The following COLEC12 variants were observed in gnomAD, a reference collection of about 807,000 sequenced individuals.
COLEC12 encodes the protein collectin-12.
COLEC12 carries 33 observed loss-of-function variants against 71.1 expected under a neutral mutation model. That is an observed-to-expected ratio of 0.46 (90% CI 0.35 to 0.62). The LOEUF is 0.62. Ranked by LOEUF, COLEC12 falls within the 20% of genes least tolerant of loss-of-function variation. COLEC12 has a pLI of 0.00. For synonymous variants in COLEC12, 350 were observed against 353.0 expected (o/e 0.99, Z 0.10); for missense variants, 765 against 916.1 (o/e 0.84, Z 2.13).
At chr18:454,417 C>T (rs998907026) in intron 2 of COLEC12, among the ~76,000 whole-genome samples, 1 of 152,224 alleles carries the variant, frequency 6.6e-6, no homozygotes, top group African/African-American at 2.4e-5. Context: ...CATGGTGGCT[C>T]ACACCTGTAA....
rs16942948 is a variant in COLEC12 at position 343,680 on chromosome 18, A to G, written c.1327+2615T>C. ...GGAGGGGCACACACTTTCGGTGACTATCCTTGGAGTTAATGGCATCAGGTT... is the reference window on the plus strand; with the variant it reads ...GGAGGGGCACACACTTTCGGTGACTGTCCTTGGAGTTAATGGCATCAGGTT... On this transcript the variant is annotated intron_variant, in intron 5 of 9. Transcript: ENST00000400256. 7.9e-5 allele frequency among the ~76,000 whole-genome samples: 12 copies of G among 152,264 alleles called. No homozygotes were observed. In the East Asian group the frequency reaches 2.3e-3, roughly 29 times the overall value.
intron 2 of COLEC12, among the ~76,000 whole-genome samples, chr18:358,928 T>C (rs1914684860): frequency 6.6e-6 from 1 of 152,218 alleles, no homozygotes. Context: ...ATCTATGCAG[T>C]CCATTGTTGA....
chr18:430,932 TGCATTTAAG>T (rs1268619611), intron 2 of COLEC12, among the ~76,000 whole-genome samples: 5 of 152,226 alleles, frequency 3.3e-5, no homozygotes, highest in Non-Finnish European at 7.3e-5. Context: ...ATGTCCACTT[TGCATTTAAG>T]TGAGTGGCAA....
intron 2 of COLEC12, among the ~76,000 whole-genome samples, chr18:447,226 C>T (rs1916670935): frequency 6.6e-6 from 1 of 152,230 alleles, no homozygotes; most frequent in African/African-American, 2.4e-5. Flanking sequence ...AGTAAACTCC[C>T]TTTTCTACAC....
At chr18:473,306 A>G (rs1316484634) in intron 2 of COLEC12, among the ~76,000 whole-genome samples, 2 of 152,178 alleles carry the variant, frequency 1.3e-5, no homozygotes, top group African/African-American at 4.8e-5. Flanking sequence ...CTCAAAATCC[A>G]TGGCCCAAGG....
At chr18:425,527 T>A (rs1916183005) in intron 2 of COLEC12, among the ~76,000 whole-genome samples, 2 of 152,136 alleles carry the variant, frequency 1.3e-5, no homozygotes. Flanking sequence ...CCCAGGCTGA[T>A]GAAATGAGTC....
intron 5 of COLEC12, among the ~76,000 whole-genome samples, chr18:339,721 G>C (rs1373240603): frequency 3.9e-5 from 6 of 152,132 alleles, no homozygotes; most frequent in African/African-American, 1.4e-4. Flanking sequence ...GCCCTCAGAT[G>C]CTGGGTTAGG....
chr18:333,185 G>A (rs764547445), intron 6 of COLEC12, 42 bp from the exon 7 acceptor site: 2 of 1,545,540 alleles, frequency 1.3e-6, no homozygotes, highest in East Asian at 2.3e-5. Context: ...AAAGATCACA[G>A]AAAGCACTCT....
At position 403,275 on chromosome 18, in the gene COLEC12, C is replaced by A. The variant is rs143803850; in HGVS notation, c.59-45753G>T. The stretch of plus-strand genomic sequence containing the variant: ...TTACCATTGGGTGTGTTTTCAATCA[C>A]CCAAGTTATCCTTTTGTTGTCTTCA... On this transcript the variant is annotated intron_variant, in intron 2 of 9. Coordinates refer to ENST00000400256, the MANE Select transcript of COLEC12 (RefSeq NM_130386.3). Among the ~76,000 whole-genome samples the A allele has an allele frequency of 2.6e-5, 4 of 152,254 alleles. No individual in the cohort carries two copies. In the East Asian group the frequency reaches 7.7e-4, roughly 29 times the overall value.
At chr18:465,404 AATT>A (rs1422560891) in intron 2 of COLEC12, among the ~76,000 whole-genome samples, 1 of 152,106 alleles carries the variant, frequency 6.6e-6, no homozygotes, top group Non-Finnish European at 1.5e-5. Flanking sequence ...ACCCAGCCAA[AATT>A]ATTATGAAAA....
At chr18:463,733 G>T (rs947803086) in intron 2 of COLEC12, among the ~76,000 whole-genome samples, 2 of 152,124 alleles carry the variant, frequency 1.3e-5, no homozygotes, top group African/African-American at 4.8e-5. Flanking sequence ...CATTCCCGTT[G>T]TCACACGTCC....
At chr18:482,580 CAGAGGTGAGTAA>C (rs1917443324) in intron 1 of COLEC12, among the ~76,000 whole-genome samples, 1 of 152,112 alleles carries the variant, frequency 6.6e-6, no homozygotes, top group Admixed American at 6.6e-5. Flanking sequence ...GCTGTGGCTT[CAGAGGTGAGTAA>C]GTCATGGTCC....
chr18:475,787 A>G (rs1193053895), intron 2 of COLEC12, among the ~76,000 whole-genome samples: 1 of 152,152 alleles, frequency 6.6e-6, no homozygotes, highest in Admixed American at 6.5e-5. Context: ...ACAGCTCAAT[A>G]ATTTAACTGG....
chr18:376,793 A>G (rs1286633546), intron 2 of COLEC12, among the ~76,000 whole-genome samples: 1 of 152,200 alleles, frequency 6.6e-6, no homozygotes, highest in Non-Finnish European at 1.5e-5. Context: ...GATTAGAGTA[A>G]GGCAAATAGA....
intron 2 of COLEC12, among the ~76,000 whole-genome samples, chr18:364,947 C>G (rs528193142): frequency 6.6e-6 from 1 of 151,952 alleles, no homozygotes; most frequent in Admixed American, 6.6e-5. Flanking sequence ...GGAGTTGAAC[C>G]CAAATCTTTT....
intron 2 of COLEC12, among the ~76,000 whole-genome samples, chr18:369,387 TTTTTTTTTTA>T (rs1187277005): frequency 5.5e-5 from 8 of 145,906 alleles, no homozygotes; most frequent in African/African-American, 1.0e-4. Context: ...ATACAGATCT[TTTTTTTTTTA>T]TTTTTTTTTA....
intron 2 of COLEC12, among the ~76,000 whole-genome samples, chr18:422,568 G>C (rs1157354752): frequency 2.6e-5 from 4 of 151,998 alleles, no homozygotes; most frequent in African/African-American, 9.7e-5. Flanking sequence ...AAAAATGTGA[G>C]TTTCCTTTAC....
chr18:326,765 G>A (rs1913854351), intron 8 of COLEC12, among the ~76,000 whole-genome samples: 1 of 152,158 alleles, frequency 6.6e-6, no homozygotes, highest in Admixed American at 6.5e-5. Flanking sequence ...CAGATGTTGG[G>A]TAAAACATCC....
intron 3 of COLEC12, among the ~76,000 whole-genome samples, chr18:351,811 T>G (rs781374951): frequency 2.6e-5 from 4 of 152,216 alleles, no homozygotes; most frequent in Non-Finnish European, 4.4e-5. Flanking sequence ...CGTATACATG[T>G]GCCATGTTCG....
Sources: allele counts gnomAD v4.1 joint callset (sites outside exome capture counted in the v4.1 genomes callset), GRCh38; gene constraint gnomAD v4.1.1; transcripts MANE v1.5; gene names NCBI Gene and HGNC (gene_info 2026-07-23, HGNC 2026-07-21).